The following ZNF469 variants were observed in gnomAD, a reference collection of about 807,000 sequenced individuals.
ZNF469 encodes the protein zinc finger protein 469.
Under a neutral mutation model 1.0 loss-of-function variants are expected in ZNF469, and 1 was observed. The observed-to-expected ratio is 1.00, with a 90% confidence interval of 0.35 to 4.73. The LOEUF (loss-of-function observed/expected upper bound fraction) is 4.73. Ranked by LOEUF, ZNF469 falls within the 30% of genes most tolerant of loss-of-function variation. The probability of loss-of-function intolerance (pLI) is 0.16; values close to 1 mark genes in which losing one functional copy is unlikely to be tolerated. For missense variants in ZNF469, 6,100 were observed against 5,356.3 expected (o/e 1.14, Z -4.33); for synonymous variants, 2,703 against 2,363.4 (o/e 1.14, Z -4.17).
the ZNF469 span, among the ~76,000 whole-genome samples, chr16:88,329,608 G>A: frequency 6.6e-6 from 1 of 152,202 alleles, no homozygotes; most frequent in African/African-American, 2.4e-5. Context: ...GCCCCTGAAG[G>A]CCCCAAATCC....
intron 1 of ZNF469, among the ~76,000 whole-genome samples, chr16:88,396,467 A>T (rs1904663753): frequency 6.7e-6 from 1 of 150,196 alleles, no homozygotes; most frequent in Non-Finnish European, 1.5e-5. Flanking sequence ...CCGGGCGGAG[A>T]CCCTCCTGAA....
chr16:88,135,773 T>C, the ZNF469 span, among the ~76,000 whole-genome samples: 7 of 142,532 alleles, frequency 4.9e-5, no homozygotes, highest in African/African-American at 1.8e-4. Context: ...TTTTTTTTTT[T>C]TTTTTGGGAT....
At chr16:88,299,066 G>T in the ZNF469 span, among the ~76,000 whole-genome samples, 1 of 151,876 alleles carries the variant, frequency 6.6e-6, no homozygotes, top group East Asian at 1.9e-4. Flanking sequence ...AGAAAGGCCT[G>T]CAAGCCAATG....
chr16:88,272,444 G>T, the ZNF469 span, among the ~76,000 whole-genome samples: 1 of 147,904 alleles, frequency 6.8e-6, no homozygotes, highest in Non-Finnish European at 1.5e-5. Flanking sequence ...GTTGTATGCT[G>T]GGTGGTGAGA....
At chr16:88,222,650 G>C in the ZNF469 span, among the ~76,000 whole-genome samples, 1 of 152,088 alleles carries the variant, frequency 6.6e-6, no homozygotes, top group African/African-American at 2.4e-5. Flanking sequence ...CCAGCTACTA[G>C]GGAGGCTGAG....
the ZNF469 span, among the ~76,000 whole-genome samples, chr16:88,146,780 C>T: frequency 4.6e-5 from 7 of 152,024 alleles, no homozygotes; most frequent in East Asian, 1.9e-4. Context: ...GAAGGGCCTG[C>T]GGGAGGGACT....
the ZNF469 span, among the ~76,000 whole-genome samples, chr16:88,138,854 T>A: frequency 6.6e-6 from 1 of 152,214 alleles, no homozygotes; most frequent in Non-Finnish European, 1.5e-5. Context: ...GTATCTGAGG[T>A]CATCGCCAAA....
In ZNF469 at chr16:88,429,343, C is replaced by T. The variant is rs1322179730; in HGVS notation, c.1873C>T (p.Leu625Phe). ...CAACCCCAGCTCAGAGGAAAGCCAG[C>T]TCCCCGGCCCCCTCGGGCCCTCGGC... ...PANPSSEESQ[L>F]PGPLGPSAFF... Residue 625 changes from leucine to phenylalanine, a missense_variant, in exon 3 of 3, where the codon CTC (leucine) becomes TTC (phenylalanine). By Grantham distance (22) the Leu-to-Phe change is conservative. Transcript: ENST00000565624. 6.5e-7 allele frequency: 1 copy of T among 1,549,964 alleles called. No homozygotes were observed. Among genetic ancestry groups the T allele is most frequent in the Admixed American group, 2.0e-5 (1 of 50,994 alleles).
the ZNF469 span, among the ~76,000 whole-genome samples, chr16:88,205,690 C>T: frequency 1.3e-5 from 2 of 152,168 alleles, no homozygotes; most frequent in Non-Finnish European, 2.9e-5. The surrounding 1 kb of genome is among the most constrained non-coding windows in gnomAD (Gnocchi z 4.2). Context: ...CCAAACCCCG[C>T]GCCTCACTGT....
At chr16:88,112,526 G>A in the ZNF469 span, among the ~76,000 whole-genome samples, 3 of 152,154 alleles carry the variant, frequency 2.0e-5, no homozygotes, top group Non-Finnish European at 4.4e-5. Flanking sequence ...GCATTTCTCT[G>A]ACGATCAATG....
At chr16:88,232,128 C>T in the ZNF469 span, among the ~76,000 whole-genome samples, 31 of 152,166 alleles carry the variant, frequency 2.0e-4, no homozygotes, top group African/African-American at 7.5e-4. Flanking sequence ...CTGGGCACTG[C>T]CAACGTTGAC....
chr16:88,326,226 C>T, the ZNF469 span, among the ~76,000 whole-genome samples: 553 of 152,318 alleles, frequency 3.6e-3, 3 homozygotes, highest in African/African-American at 0.013. Context: ...ATGCTGTTCT[C>T]GTGATAGTGA....
At chr16:88,186,123 G>A in the ZNF469 span, among the ~76,000 whole-genome samples, 3 of 152,218 alleles carry the variant, frequency 2.0e-5, no homozygotes, top group Non-Finnish European at 4.4e-5. Flanking sequence ...TGCTGTTTGT[G>A]GTCCGTCTTC....
the ZNF469 span, among the ~76,000 whole-genome samples, chr16:88,133,379 T>C: frequency 6.6e-6 from 1 of 152,222 alleles, no homozygotes; most frequent in Non-Finnish European, 1.5e-5. Context: ...CAACCCTCCC[T>C]GTCAAGCAGC....
At position 88,430,845 on chromosome 16, in the gene ZNF469, G is replaced by C. The variant is rs2142303901; in HGVS notation, c.3375G>C (p.Glu1125Asp). The C allele has an allele frequency of 6.5e-7, 1 of 1,536,138 alleles. No homozygotes were observed. The highest frequency in any genetic ancestry group is 8.7e-7 in the Non-Finnish European group (1 of 1,146,144). Residue 1125 changes from glutamate (E) to aspartate (D), a missense_variant, in exon 3 of 3, where the codon GAG becomes GAC. Glu to Asp is a conservative substitution (Grantham distance 45, BLOSUM62 2). Coordinates refer to ENST00000565624, the MANE Select transcript of ZNF469 (RefSeq NM_001367624.2). ...GAGGCGAGAAGAGGAAGGAAGTGGAGCTGACCCAGGGTCCCAGAGAGGATG... is the reference window on the plus strand; with the variant it reads ...GAGGCGAGAAGAGGAAGGAAGTGGACCTGACCCAGGGTCCCAGAGAGGATG... ...RGRGEKRKEVELTQGPREDEP... is the reference protein window; with the variant it reads ...RGRGEKRKEVDLTQGPREDEP...
At chr16:88,125,964 G>T in the ZNF469 span, among the ~76,000 whole-genome samples, 9 of 151,886 alleles carry the variant, frequency 5.9e-5, no homozygotes, top group Admixed American at 5.2e-4. Context: ...CAATGCGGGT[G>T]GATTGCCTGA....
the ZNF469 span, among the ~76,000 whole-genome samples, chr16:88,141,144 G>A: frequency 6.6e-6 from 1 of 152,052 alleles, no homozygotes; most frequent in African/African-American, 2.4e-5. Flanking sequence ...CCGCTAAATT[G>A]CAAAAAAAGT....
chr16:88,399,355 G>T (rs1904789418), intron 1 of ZNF469, among the ~76,000 whole-genome samples: 1 of 152,226 alleles, frequency 6.6e-6, no homozygotes, highest in Non-Finnish European at 1.5e-5. Flanking sequence ...TGTCTGGATG[G>T]GACACAATGC....
At chr16:88,373,603 A>C in the ZNF469 span, among the ~76,000 whole-genome samples, 6 of 152,338 alleles carry the variant, frequency 3.9e-5, no homozygotes, top group East Asian at 9.6e-4. Context: ...TTCTGGTGCC[A>C]ACATTCTCAG....
Sources: gnomAD v4.1 joint callset for allele counts (sites outside exome capture counted in the v4.1 genomes callset) on GRCh38, gnomAD v4.1.1 for gene constraint, Gnocchi (gnomAD v3.1) non-coding constraint, MANE v1.5 for transcripts, NCBI Gene and HGNC (gene_info 2026-07-23, HGNC 2026-07-21) for gene names.